The following FAM135A variants were observed in gnomAD, a reference collection of about 807,000 sequenced individuals.
FAM135A encodes the protein family with sequence similarity 135 member A.
Under a neutral mutation model 146.8 loss-of-function variants are expected in FAM135A, and 79 were observed. That is an observed-to-expected ratio of 0.54 (90% CI 0.45 to 0.65). The LOEUF (loss-of-function observed/expected upper bound fraction) is 0.65, where lower values mean the gene tolerates loss of function less well. FAM135A is among the 30% of genes least tolerant of loss of function. The probability of loss-of-function intolerance (pLI) is 0.00; values close to 1 mark genes in which losing one functional copy is unlikely to be tolerated. For missense variants in FAM135A, 1,623 were observed against 1,758.2 expected (o/e 0.92, Z 1.38); for synonymous variants, 562 against 603.6 (o/e 0.93, Z 1.01).
intron 11 of FAM135A, among the ~76,000 whole-genome samples, chr6:70,502,311 G>T (rs1788740590): frequency 6.6e-6 from 1 of 152,128 alleles, no homozygotes; most frequent in Admixed American, 6.6e-5. Context: ...AAAATTCCCA[G>T]TATTTTGGTG....
intron 8 of FAM135A, among the ~76,000 whole-genome samples, chr6:70,478,933 G>A (rs370674259): frequency 2.6e-5 from 4 of 152,056 alleles, no homozygotes; most frequent in South Asian, 4.1e-4. Flanking sequence ...TGTGTTTTTT[G>A]AAATATAACT....
chr6:70,483,272 C>T (rs955514349), intron 10 of FAM135A, among the ~76,000 whole-genome samples: 1 of 152,180 alleles, frequency 6.6e-6, no homozygotes, highest in Non-Finnish European at 1.5e-5. Context: ...CACTTCTTGA[C>T]TAGACATAGA....
At chr6:70,454,801 G>A (rs1175953706) in intron 5 of FAM135A, among the ~76,000 whole-genome samples, 1 of 152,004 alleles carries the variant, frequency 6.6e-6, no homozygotes, top group Non-Finnish European at 1.5e-5. Context: ...TGCTGTTTTG[G>A]TACCAGTACC....
At chr6:70,527,348 A>G (rs1030511368) in intron 15 of FAM135A, among the ~76,000 whole-genome samples, 1 of 152,102 alleles carries the variant, frequency 6.6e-6, no homozygotes, top group Non-Finnish European at 1.5e-5. Flanking sequence ...TATTTGGGGT[A>G]AGAGGTCTTG....
intron 4 of FAM135A, among the ~76,000 whole-genome samples, chr6:70,446,573 G>C (rs555220009): frequency 1.3e-5 from 2 of 152,190 alleles, no homozygotes; most frequent in Non-Finnish European, 2.9e-5. Context: ...TTTACAAAAA[G>C]ATTTTTGAGG....
intron 21 of FAM135A, among the ~76,000 whole-genome samples, chr6:70,557,872 A>G (rs1410954979): frequency 1.3e-5 from 2 of 152,150 alleles, no homozygotes; most frequent in African/African-American, 2.4e-5. Flanking sequence ...AGTGCCTAAC[A>G]TGCTGCCTGC....
chr6:70,416,521 T>C (rs767457421), intron 2 of FAM135A, among the ~76,000 whole-genome samples: 8 of 152,208 alleles, frequency 5.3e-5, no homozygotes, highest in Non-Finnish European at 8.8e-5. Context: ...TGCTTTAACA[T>C]TGAGTTTTTT....
intron 4 of FAM135A, among the ~76,000 whole-genome samples, chr6:70,429,660 G>C (rs895003847): frequency 2.0e-5 from 3 of 152,142 alleles, no homozygotes; most frequent in Admixed American, 2.0e-4. Flanking sequence ...TTGACACTAG[G>C]GATTTGGGTA....
intron 5 of FAM135A, among the ~76,000 whole-genome samples, chr6:70,459,323 A>G (rs1368954806): frequency 6.6e-6 from 1 of 152,200 alleles, no homozygotes; most frequent in Non-Finnish European, 1.5e-5. Context: ...GTTACAGTGG[A>G]GCAGGTTGAG....
chr6:70,469,762 G>C (rs1208103545), intron 5 of FAM135A, among the ~76,000 whole-genome samples: 2 of 152,172 alleles, frequency 1.3e-5, no homozygotes. Context: ...GGTGGCCCAT[G>C]AGGTAGGAGT....
chr6:70,486,315 C>T (rs1784645224), intron 10 of FAM135A: 2 of 1,247,650 alleles, frequency 1.6e-6, no homozygotes, highest in Non-Finnish European at 2.3e-6. Context: ...TTTAAATTAG[C>T]ATCAGATTTC....
At chr6:70,429,884 G>C (rs2127785046) in intron 4 of FAM135A, among the ~76,000 whole-genome samples, 1 of 152,062 alleles carries the variant, frequency 6.6e-6, no homozygotes, top group African/African-American at 2.4e-5. Context: ...AGAAGAAGTA[G>C]AGCAAGAGAT....
intron 12 of FAM135A, chr6:70,503,766 TCTTG>T: frequency 6.6e-6 from 1 of 152,326 alleles, no homozygotes; most frequent in South Asian, 2.1e-4. Context: ...TTCTTCTCTA[TCTTG>T]CTTTTTCACT....
At chr6:70,540,125 T>G (rs1243785932) in intron 20 of FAM135A, among the ~76,000 whole-genome samples, 3 of 152,150 alleles carry the variant, frequency 2.0e-5, no homozygotes, top group African/African-American at 7.2e-5. Context: ...CTTTAGATAA[T>G]TCATTATGCA....
At chr6:70,431,548 C>T (rs1771633103) in intron 4 of FAM135A, among the ~76,000 whole-genome samples, 1 of 152,014 alleles carries the variant, frequency 6.6e-6, no homozygotes, top group Admixed American at 6.6e-5. Flanking sequence ...CCACAAGATA[C>T]TGGCCAAAGC....
chr6:70,493,979 G>A (rs1423112751), intron 11 of FAM135A, among the ~76,000 whole-genome samples: 2 of 150,274 alleles, frequency 1.3e-5, no homozygotes, highest in South Asian at 2.1e-4. Context: ...GCTTGAACCC[G>A]GGAGGCAGTG....
intron 2 of FAM135A, chr6:70,417,758 G>T: frequency 3.3e-6 from 1 of 305,468 alleles, no homozygotes; most frequent in Non-Finnish European, 4.8e-6. Context: ...TGTCTAAGCA[G>T]CAAGGTCAGC....
chr6:70,541,365 G>C (rs997843955), intron 20 of FAM135A, among the ~76,000 whole-genome samples: 1 of 151,980 alleles, frequency 6.6e-6, no homozygotes, highest in African/African-American at 2.4e-5. Flanking sequence ...CTCCACTGAA[G>C]CTTGCCAAAT....
intron 4 of FAM135A, among the ~76,000 whole-genome samples, chr6:70,436,611 G>A (rs1394779096): frequency 1.3e-5 from 2 of 151,450 alleles, no homozygotes; most frequent in Admixed American, 6.6e-5. Context: ...TGATGTTGGC[G>A]ATATGAAAAA....
Sources: allele counts gnomAD v4.1 joint callset (sites outside exome capture counted in the v4.1 genomes callset), GRCh38; gene constraint gnomAD v4.1.1; transcripts MANE v1.5; gene names NCBI Gene and HGNC (gene_info 2026-07-23, HGNC 2026-07-21).